The following PAK1 variants were observed in gnomAD, a reference collection of about 807,000 sequenced individuals.
PAK1 encodes p21 (RAC1) activated kinase 1.
Under a neutral mutation model 67.4 loss-of-function variants are expected in PAK1, and 29 were observed. The ratio of observed to expected loss-of-function variants is 0.43; its 90% CI spans 0.32 to 0.59. PAK1 has a LOEUF of 0.59. PAK1 is among the 20% of genes least tolerant of loss of function. The pLI, the probability that PAK1 is intolerant of heterozygous loss-of-function variation, is 0.07. For missense variants in PAK1, 337 were observed against 670.7 expected, an observed-to-expected ratio of 0.50 and a Z score of 5.50; for synonymous variants, 223 against 237.4, an observed-to-expected ratio of 0.94 and a Z score of 0.56.
chr11:77,445,929 A>G (rs1956578189), intron 1 of PAK1, among the ~76,000 whole-genome samples: 1 of 152,182 alleles, frequency 6.6e-6, no homozygotes. Context: ...CCACTATACA[A>G]TAAGCACATT....
intron 1 of PAK1, among the ~76,000 whole-genome samples, chr11:77,406,739 C>A (rs1179844785): frequency 6.6e-6 from 1 of 152,124 alleles, no homozygotes; most frequent in African/African-American, 2.4e-5. Context: ...TGAGATTGCT[C>A]CACTACACTC....
chr11:77,390,295 G>C (rs1183397255), intron 2 of PAK1, among the ~76,000 whole-genome samples: 2 of 152,168 alleles, frequency 1.3e-5, no homozygotes, highest in Non-Finnish European at 2.9e-5. Flanking sequence ...CGCCTCCCGG[G>C]TTCAAGTGAT....
At position 77,374,311 on chromosome 11, in the gene PAK1, A is replaced by C. The variant is rs763474924; in HGVS notation, c.477+17T>G. ...TCCACATCTGCCCACATCAAAATAG[A>C]GTAAATAAAGACTTACCAAGGCATT... On this transcript the variant is annotated intron_variant, in intron 5 of 14. Coordinates refer to ENST00000356341, the MANE Select transcript of PAK1 (RefSeq NM_002576.5). 3 of 1,536,596 alleles carry C rather than the reference A, an allele frequency of 2.0e-6. No individual in the cohort carries two copies. The highest frequency in any genetic ancestry group is 2.7e-6 in the Non-Finnish European group (3 of 1,109,556).
chr11:77,490,744 A>G, the PAK1 span, among the ~76,000 whole-genome samples: 4 of 152,374 alleles, frequency 2.6e-5, no homozygotes, highest in Middle Eastern at 3.4e-3. Flanking sequence ...CTGTGTAGAA[A>G]GAAGTAGACA....
At chr11:77,364,417 C>A (rs1394892253) in intron 5 of PAK1, among the ~76,000 whole-genome samples, 4 of 151,988 alleles carry the variant, frequency 2.6e-5, no homozygotes, top group Non-Finnish European at 5.9e-5. Context: ...AGCCAGGCTG[C>A]AACAAAACAA....
chr11:77,390,684 T>G (rs1389780565), intron 2 of PAK1, among the ~76,000 whole-genome samples: 1 of 141,892 alleles, frequency 7.0e-6, no homozygotes, highest in East Asian at 2.0e-4. Flanking sequence ...TTTTTTTTAG[T>G]AGAGACAAGG....
At chr11:77,439,660 C>A (rs1224968968) in intron 1 of PAK1, among the ~76,000 whole-genome samples, 1 of 152,192 alleles carries the variant, frequency 6.6e-6, no homozygotes, top group African/African-American at 2.4e-5. Flanking sequence ...TCCTGCCCTC[C>A]TTCTATGTCT....
chr11:77,456,128 G>A (rs1804058239), intron 1 of PAK1, among the ~76,000 whole-genome samples: 1 of 152,042 alleles, frequency 6.6e-6, no homozygotes, highest in Non-Finnish European at 1.5e-5. Context: ...TTGAATACAA[G>A]TGAATTTTAT....
At chr11:77,432,981 G>A (rs1379339533) in intron 1 of PAK1, among the ~76,000 whole-genome samples, 3 of 152,134 alleles carry the variant, frequency 2.0e-5, no homozygotes, top group Admixed American at 6.5e-5. Context: ...GTATGGTATT[G>A]GCATAAGAAT....
At chr11:77,466,388 G>A (rs1231939665) in intron 1 of PAK1, among the ~76,000 whole-genome samples, 1 of 152,120 alleles carries the variant, frequency 6.6e-6, no homozygotes, top group African/African-American at 2.4e-5. Context: ...CAGATCACAA[G>A]GTCAGGAGAT....
intron 1 of PAK1, among the ~76,000 whole-genome samples, chr11:77,418,974 C>T (rs1592400288): frequency 6.6e-6 from 1 of 152,158 alleles, no homozygotes; most frequent in Admixed American, 6.5e-5. Flanking sequence ...ATATCTTCAG[C>T]GGGAAGGATC....
intron 5 of PAK1, among the ~76,000 whole-genome samples, chr11:77,361,279 G>A (rs547157042): frequency 6.6e-6 from 1 of 152,292 alleles, no homozygotes; most frequent in Non-Finnish European, 1.5e-5. Context: ...TGAATTAAGG[G>A]AGCAAGCCAC....
intron 1 of PAK1, among the ~76,000 whole-genome samples, chr11:77,415,604 G>A (rs1046717111): frequency 6.6e-5 from 10 of 151,730 alleles, no homozygotes; most frequent in South Asian, 4.2e-4. Flanking sequence ...GTAAAAATAC[G>A]CCATAAAAGA....
chr11:77,500,151 A>G, the PAK1 span, among the ~76,000 whole-genome samples: 1 of 152,246 alleles, frequency 6.6e-6, no homozygotes, highest in Non-Finnish European at 1.5e-5. Flanking sequence ...CTCAGATTCA[A>G]CTGAGAGCCC....
At chr11:77,440,649 CA>C (rs1179176545) in intron 1 of PAK1, among the ~76,000 whole-genome samples, 15 of 152,108 alleles carry the variant, frequency 9.9e-5, no homozygotes, top group African/African-American at 3.6e-4. Flanking sequence ...GCTTCTATTC[CA>C]AAATAGAATA....
At chr11:77,484,197 CA>C in the PAK1 span, among the ~76,000 whole-genome samples, 194 of 116,508 alleles carry the variant, frequency 1.7e-3, 1 homozygote, top group Middle Eastern at 9.3e-3. Context: ...ATGAGTAAGC[CA>C]AAAAAAAAAA....
chr11:77,493,857 CTGT>C, the PAK1 span, among the ~76,000 whole-genome samples: 1 of 152,166 alleles, frequency 6.6e-6, no homozygotes, highest in African/African-American at 2.4e-5. Flanking sequence ...ACAGAATTCA[CTGT>C]AGAAAGTATA....
intron 1 of PAK1, among the ~76,000 whole-genome samples, chr11:77,418,303 C>CG (rs1191144006): frequency 6.6e-6 from 1 of 152,112 alleles, no homozygotes; most frequent in Non-Finnish European, 1.5e-5. Context: ...GATGATCTAG[C>CG]GTACCCTCCA....
chr11:77,459,791 C>CA (rs1372031298), intron 1 of PAK1, among the ~76,000 whole-genome samples: 1 of 143,626 alleles, frequency 7.0e-6, no homozygotes, highest in Non-Finnish European at 1.6e-5. Context: ...CTCCCGGGTT[C>CA]ACGCCATTCT....
Sources: gnomAD v4.1 joint callset for allele counts (sites outside exome capture counted in the v4.1 genomes callset) on GRCh38, gnomAD v4.1.1 for gene constraint, MANE v1.5 for transcripts, NCBI Gene and HGNC (gene_info 2026-07-23, HGNC 2026-07-21) for gene names.